Variants in CABLES1 observed in about 807,000 individuals in gnomAD.
CABLES1 encodes Cdk5 and Abl enzyme substrate 1.
Under a neutral mutation model 57.8 loss-of-function variants are expected in CABLES1, and 36 were observed. The observed-to-expected ratio is 0.62, with a 90% CI of 0.48 to 0.82. CABLES1 has a LOEUF of 0.82. CABLES1 is among the 40% of genes least tolerant of loss of function. The pLI, the probability that CABLES1 is intolerant of heterozygous loss-of-function variation, is 0.00. For missense variants in CABLES1, 767 were observed against 836.6 expected, an observed-to-expected ratio of 0.92 and a Z score of 1.03; for synonymous variants, 374 against 363.0, an observed-to-expected ratio of 1.03 and a Z score of -0.35.
At chr18:23,219,399 G>A (rs2047469627) in intron 4 of CABLES1, 3 of 448,856 alleles carry the variant, frequency 6.7e-6, no homozygotes, top group Middle Eastern at 6.9e-4. Context: ...CCCAGCGAAG[G>A]CGATTCTTCA....
upstream of CABLES1, among the ~76,000 whole-genome samples, chr18:23,135,054 ACT>A (rs1168844740): frequency 6.6e-6 from 1 of 151,880 alleles, no homozygotes; most frequent in South Asian, 2.1e-4. Flanking sequence ...GCAGTCCAAA[ACT>A]CTGCAACGCT....
intron 4 of CABLES1, among the ~76,000 whole-genome samples, chr18:23,229,771 C>A (rs757197688): frequency 2.9e-4 from 44 of 152,312 alleles, no homozygotes; most frequent in Non-Finnish European, 5.7e-4. Flanking sequence ...GCATGCAACT[C>A]CAACGTTCTA....
chr18:23,245,177 C>T (rs1246809328), intron 7 of CABLES1, among the ~76,000 whole-genome samples: 1 of 152,162 alleles, frequency 6.6e-6, no homozygotes, highest in African/African-American at 2.4e-5. Context: ...GGCCCCTTCC[C>T]TCTTCTCATG....
intron 1 of CABLES1, among the ~76,000 whole-genome samples, chr18:23,179,103 C>T (rs190247713): frequency 7.4e-4 from 113 of 152,134 alleles, no homozygotes; most frequent in African/African-American, 2.5e-3. Flanking sequence ...CTGGCCAACA[C>T]GGTGAAACCC....
At chr18:23,160,770 A>G (rs1424778321) in intron 1 of CABLES1, among the ~76,000 whole-genome samples, 1 of 152,220 alleles carries the variant, frequency 6.6e-6, no homozygotes, top group Non-Finnish European at 1.5e-5. Context: ...ATGGTGGCTC[A>G]TGCCTGTAAT....
rs759552950 is a variant in CABLES1, at chr18:23,136,484, A to G, written c.722A>G (p.Asn241Ser). The G allele has an allele frequency of 1.9e-6, 3 of 1,602,584 alleles. No individual in the cohort carries two copies. The highest frequency in any genetic ancestry group is 1.7e-5 in the Admixed American group (1 of 59,388). The change falls in exon 1 of 10, where the codon AAC becomes AGC. Residue 241 changes from asparagine (N) to serine (S), a missense_variant. By Grantham distance (46) the Asn-to-Ser change is conservative (BLOSUM62 1). Around this residue, in one of 4 missense-constraint regions of CABLES1, gnomAD observed 529 missense variants for 622.8 expected, o/e 0.85. Transcript: ENST00000256925. The stretch of plus-strand genomic sequence containing the variant: ...GGGAGCGGCAGTCGGGGACGCCTCA[A>G]CTCGTTCACTCAGGGAATCCTGCCC... Reference protein sequence around the residue: ...GSGSGSRGRLNSFTQGILPIA... With the variant: ...GSGSGSRGRLSSFTQGILPIA...
intron 1 of CABLES1, among the ~76,000 whole-genome samples, chr18:23,153,955 C>A (rs1035032115): frequency 2.0e-5 from 3 of 151,942 alleles, no homozygotes; most frequent in African/African-American, 7.3e-5. Flanking sequence ...TGCTTGTAAC[C>A]AGGAGGCAGA....
At chr18:23,255,112 G>A (rs757298252) in intron 9 of CABLES1, among the ~76,000 whole-genome samples, 2 of 152,198 alleles carry the variant, frequency 1.3e-5, no homozygotes, top group Non-Finnish European at 2.9e-5. Flanking sequence ...ATAAGGGCAG[G>A]TGGATAGTGG....
intron 1 of CABLES1, among the ~76,000 whole-genome samples, chr18:23,140,111 A>G (rs2046848353): frequency 6.6e-6 from 1 of 152,214 alleles, no homozygotes; most frequent in Non-Finnish European, 1.5e-5. Context: ...TGTCAGGTGC[A>G]GTGTCAGAGG....
At chr18:23,149,468 G>A (rs1318102016) in intron 1 of CABLES1, among the ~76,000 whole-genome samples, 1 of 152,076 alleles carries the variant, frequency 6.6e-6, no homozygotes, top group African/African-American at 2.4e-5. Flanking sequence ...TTTTAGTGGA[G>A]ACAGGGTTTC....
intron 3 of CABLES1, among the ~76,000 whole-genome samples, chr18:23,208,322 C>T (rs1019956154): frequency 6.6e-6 from 1 of 152,284 alleles, no homozygotes; most frequent in East Asian, 1.9e-4. Flanking sequence ...GGAAAAGCGT[C>T]CCCCCAATAG....
At position 23,240,043 on chromosome 18, in the gene CABLES1, A is replaced by G. The variant is rs549680963; in HGVS notation, c.1446+2798A>G. ...TGAGGTGGGAGAATTGCTTGAACCC[A>G]GGAGGCAGAGGCTGCAGTGAGCTGA... On this transcript the variant is annotated intron_variant, in intron 7 of 9. Coordinates refer to ENST00000256925, the MANE Select transcript of CABLES1 (RefSeq NM_001100619.3). Among the ~76,000 whole-genome samples, 3 of 152,284 alleles carry G rather than the reference A, an allele frequency of 2.0e-5. No homozygotes were observed. In the South Asian group the frequency reaches 6.2e-4, roughly 32 times the overall value.
chr18:23,175,194 C>T (rs2047114355), intron 1 of CABLES1, among the ~76,000 whole-genome samples: 1 of 152,056 alleles, frequency 6.6e-6, no homozygotes. Flanking sequence ...TTTGTTTGTA[C>T]CTCAAAACAG....
At chr18:23,174,764 C>T (rs187791505) in intron 1 of CABLES1, among the ~76,000 whole-genome samples, 138 of 148,310 alleles carry the variant, frequency 9.3e-4, no homozygotes, top group African/African-American at 2.9e-3. Context: ...GAGCCCACCG[C>T]GCCCGGCCTG....
intron 1 of CABLES1, among the ~76,000 whole-genome samples, chr18:23,151,014 C>T (rs1568044099): frequency 1.9e-5 from 2 of 104,714 alleles, no homozygotes; most frequent in Admixed American, 2.2e-4. Flanking sequence ...CCCTGGCCTA[C>T]GTTTTTTTTT....
At chr18:23,208,328 A>G (rs965012322) in intron 3 of CABLES1, among the ~76,000 whole-genome samples, 2 of 152,158 alleles carry the variant, frequency 1.3e-5, no homozygotes, top group African/African-American at 2.4e-5. Context: ...GCGTCCCCCC[A>G]ATAGCTCATG....
chr18:23,223,658 T>C (rs2047506486), intron 4 of CABLES1, among the ~76,000 whole-genome samples: 1 of 151,180 alleles, frequency 6.6e-6, no homozygotes, highest in African/African-American at 2.4e-5. Flanking sequence ...TGCTCTATCC[T>C]GTCCCTGGAG....
chr18:23,230,677 C>T (rs570375716), intron 4 of CABLES1, among the ~76,000 whole-genome samples: 1 of 152,294 alleles, frequency 6.6e-6, no homozygotes, highest in Admixed American at 6.5e-5. Context: ...CTCATTTCTT[C>T]TTTTTAAATC....
chr18:23,203,345 A>G (rs182909355), intron 3 of CABLES1, among the ~76,000 whole-genome samples: 3 of 152,178 alleles, frequency 2.0e-5, no homozygotes, highest in Admixed American at 6.5e-5. Flanking sequence ...CGACTGAGCT[A>G]TCTCCTCCCT....
Sources: allele counts gnomAD v4.1 joint callset (sites outside exome capture counted in the v4.1 genomes callset), GRCh38; gene constraint gnomAD v4.1.1; regional missense constraint gnomAD v4.1.1; transcripts MANE v1.5; gene names NCBI Gene and HGNC (gene_info 2026-07-23, HGNC 2026-07-21).